DCD: variants seen among roughly 807,000 people sequenced by gnomAD.
The protein encoded by DCD is dermcidin, also known as diffusible survival/evasion peptide.
A neutral mutation model predicts 14.5 loss-of-function variants in DCD; 17 were observed. That is an observed-to-expected ratio of 1.18 (90% CI 0.81 to 1.76). DCD has a LOEUF of 1.76. Ranked by LOEUF, DCD falls within the 40% of genes most tolerant of loss-of-function variation. DCD has a pLI of 0.00. For missense variants in DCD, 139 were observed against 133.4 expected, an observed-to-expected ratio of 1.04 and a Z score of -0.21; for synonymous variants, 64 against 54.0, an observed-to-expected ratio of 1.19 and a Z score of -0.82.
rs11338265 is a variant in DCD at position 54,644,624 on chromosome 12, ATTTTTT to A, written c.*83_*88del. On this transcript the variant is annotated 3_prime_UTR_variant, in exon 5 of 5. Coordinates refer to ENST00000293371, the MANE Select transcript of DCD (RefSeq NM_053283.4). ...GCTTTCAGTTTAATAGCTGTTTTAA[ATTTTTT>A]TTTTTTTTTTTTTTTTTAGGTTTTA... is the stretch of plus-strand genomic sequence containing the variant. 40 of 651,610 alleles carry A rather than the reference ATTTTTT, an allele frequency of 6.1e-5. No individual in the cohort carries two copies. Among genetic ancestry groups the A allele is most frequent in the East Asian group, 5.4e-4 (18 of 33,264 alleles). The allele number at this position is 651,610 out of a possible 1,614,324, so 40.4% of individuals were successfully genotyped here.
chr12:54,644,772 A>G lies in DCD; in HGVS notation c.290-16T>C, dbSNP rs746369300. The G allele has an allele frequency of 4.4e-6, 7 of 1,600,850 alleles. No homozygotes were observed. In the South Asian group the frequency reaches 5.6e-5, roughly 13 times the overall value. ...TGGACGGCTCCTAGGACAGCCACAG[A>G]AAAAAATGGGGTAAAGGGGTAGGAA... On this transcript the variant is annotated splice_polypyrimidine_tract_variant and intron_variant, in intron 4 of 4. Transcript: ENST00000293371.
At chr12:54,644,976 A>T (rs1379841162) in intron 4 of DCD, 197 bp downstream of exon 4, 2 of 1,232,252 alleles carry the variant, frequency 1.6e-6, no homozygotes, top group East Asian at 2.9e-5. Context: ...CAAGAGCAAT[A>T]AAAAAAAAAG....
intron 3 of DCD, 139 bp from the exon 4 acceptor site, chr12:54,645,401 G>A: frequency 1.1e-6 from 1 of 949,800 alleles, no homozygotes; most frequent in Non-Finnish European, 1.6e-6. Flanking sequence ...TCTCTGTCAT[G>A]GGAAGGTTGG....
chr12:54,645,347 A>G (rs1255909152), intron 3 of DCD, 85 bp from the exon 4 acceptor site: 2 of 1,334,562 alleles, frequency 1.5e-6, no homozygotes, highest in African/African-American at 1.5e-5. Context: ...CCTAGGCACC[A>G]TGGGCACCCC....
chr12:54,647,356 C>G (rs1238420924), intron 1 of DCD, among the ~76,000 whole-genome samples, 197 bp from the exon 2 acceptor site: 1 of 152,198 alleles, frequency 6.6e-6, no homozygotes, highest in Non-Finnish European at 1.5e-5. Flanking sequence ...CTCTGTTATC[C>G]TCCCTAGACC....
Position 54,644,662 on chromosome 12 carries a change from A to G in DCD, c.*51T>C. The G allele has an allele frequency of 8.4e-7, 1 of 1,189,494 alleles. No homozygotes were observed. The highest frequency in any genetic ancestry group is 1.2e-6 in the Non-Finnish European group (1 of 824,248). 73.7% of individuals were successfully genotyped at this position (1,189,494 alleles called of 1,614,324 possible). ...TTTTTTTTTTTAGGTTTTAGGCTGA[A>G]GACGTAAAGCCTGCTGCTCCTGGGT... On this transcript the variant is annotated 3_prime_UTR_variant, in exon 5 of 5. Coordinates refer to ENST00000293371, the MANE Select transcript of DCD (RefSeq NM_053283.4).
chr12:54,647,804 T>C (rs1051237231), intron 1 of DCD, among the ~76,000 whole-genome samples: 1 of 152,116 alleles, frequency 6.6e-6, no homozygotes, highest in Non-Finnish European at 1.5e-5. Flanking sequence ...AAAATGATTC[T>C]GGGGCTTCAG....
chr12:54,648,102 T>G, intron 1 of DCD, 144 bp downstream of exon 1: 1 of 853,474 alleles, frequency 1.2e-6, no homozygotes, highest in Non-Finnish European at 1.8e-6. Context: ...AGTCCCTGTG[T>G]GGAGAACCTA....
intron 1 of DCD, among the ~76,000 whole-genome samples, 196 bp from the exon 2 acceptor site, chr12:54,647,355 C>T (rs1958269437): frequency 2.0e-5 from 3 of 152,182 alleles, no homozygotes; most frequent in Admixed American, 2.0e-4. Context: ...TCTCTGTTAT[C>T]CTCCCTAGAC....
intron 3 of DCD, 99 bp downstream of exon 3, chr12:54,645,507 G>T: frequency 9.1e-7 from 1 of 1,096,634 alleles, no homozygotes; most frequent in Non-Finnish European, 1.4e-6. Flanking sequence ...GGGTGTAGCT[G>T]TGTCCCTGTG....
chr12:54,645,701 T>C lies in DCD; in HGVS notation c.104A>G (p.His35Arg), dbSNP rs901027617. Residue 35 changes from histidine (H) to arginine (R), a missense_variant, in exon 3 of 5, where the codon CAT (histidine) becomes CGT (arginine). By Grantham distance (29) the His-to-Arg change is conservative (BLOSUM62 0). Coordinates refer to ENST00000293371, the MANE Select transcript of DCD (RefSeq NM_053283.4). ...TTCCTTTTGAGCTGCTGATGCTTCA[T>C]GGCAAGCTGCAAGGGTAAGGGAGTG... is the stretch of plus-strand genomic sequence containing the variant. ...ASAPGSGNPC[H>R]EASAAQKENA... 3 of 1,613,982 alleles carry C rather than the reference T, an allele frequency of 1.9e-6. No individual in the cohort carries two copies. The highest frequency in any genetic ancestry group is 1.7e-6 in the Non-Finnish European group (2 of 1,179,854).
rs1698244370 is a variant in DCD at position 54,648,323 on chromosome 12, G to T, written c.-20C>A. 3 of 1,613,596 alleles carry T rather than the reference G, an allele frequency of 1.9e-6. No individual in the cohort carries two copies. The African/African-American group carries it at 4.0e-5, about 22-fold the overall frequency. Reference sequence around the variant, plus strand: ...CCTCATGCTTCTGTGTGCTGGAGTGGGTATGCCACCAAATCCTTGGAGATC... The same window carrying T: ...CCTCATGCTTCTGTGTGCTGGAGTGTGTATGCCACCAAATCCTTGGAGATC... On this transcript the variant is annotated 5_prime_UTR_variant, in exon 1 of 5. Coordinates refer to ENST00000293371, the MANE Select transcript of DCD (RefSeq NM_053283.4).
Position 54,647,175 on chromosome 12 carries a change from C to G in DCD, c.59-16G>C, listed in dbSNP as rs1958268224. The G allele has an allele frequency of 6.4e-7, 1 of 1,559,336 alleles. No homozygotes were observed. The highest frequency in any genetic ancestry group is 8.7e-7 in the Non-Finnish European group (1 of 1,150,868). Reference sequence around the variant, plus strand: ...TCTGGATCATCTGCAAAGGAGGGAACAGTGACCATGTCAAGTAGGGCACAG... The same window carrying G: ...TCTGGATCATCTGCAAAGGAGGGAAGAGTGACCATGTCAAGTAGGGCACAG... On this transcript the variant is annotated splice_polypyrimidine_tract_variant and intron_variant, in intron 1 of 4. Coordinates refer to ENST00000293371, the MANE Select transcript of DCD (RefSeq NM_053283.4).
In DCD at chr12:54,648,333, C is replaced by T. The variant is rs931376575; in HGVS notation, c.-30G>A. 3.7e-6 allele frequency: 6 copies of T among 1,613,504 alleles called. No homozygotes were observed. The highest frequency in any genetic ancestry group is 5.1e-6 in the Non-Finnish European group (6 of 1,179,744). On this transcript the variant is annotated 5_prime_UTR_variant, in exon 1 of 5. Coordinates refer to ENST00000293371, the MANE Select transcript of DCD (RefSeq NM_053283.4). ...CTGTGTGCTGGAGTGGGTATGCCAC[C>T]AAATCCTTGGAGATCTTGGGATCTA... is the stretch of plus-strand genomic sequence containing the variant.
intron 2 of DCD, chr12:54,646,237 T>C (rs1404303290): frequency 4.1e-5 from 18 of 436,148 alleles, no homozygotes; most frequent in Non-Finnish European, 5.5e-5. Flanking sequence ...GTGTTCCCTC[T>C]GGGCTTTATG....
chr12:54,645,324 A>G (rs894509961), intron 3 of DCD, 62 bp from the exon 4 acceptor site: 1 of 1,507,410 alleles, frequency 6.6e-7, no homozygotes, highest in African/African-American at 1.4e-5. Flanking sequence ...TTTGTAGGAG[A>G]GCTCCCCCGC....
At position 54,644,695 on chromosome 12, in the gene DCD, C is replaced by A; in HGVS notation, c.*18G>T. On this transcript the variant is annotated 3_prime_UTR_variant, in exon 5 of 5. Transcript: ENST00000293371. ...AGCCTGCTGCTCCTGGGTATCATTT[C>A]TCAGCTTCTCCTTACAGCTATAGTA... 3.3e-6 allele frequency: 5 copies of A among 1,503,344 alleles called. No homozygotes were observed. The highest frequency in any genetic ancestry group is 1.2e-5 in the South Asian group (1 of 86,242). The allele number at this position is 1,503,344 out of a possible 1,614,324, so 93.1% of individuals were successfully genotyped here. A position where few individuals can be genotyped will look rare whatever the true frequency, so the allele number is the denominator to read the frequency against.
chr12:54,645,594 A>T lies in DCD; in HGVS notation c.199+12T>A, dbSNP rs1958252955. On this transcript the variant is annotated intron_variant, in intron 3 of 4. Transcript: ENST00000293371. The stretch of plus-strand genomic sequence containing the variant: ...TCAGAATTCTATACCAGGCATTGGG[A>T]AAGAGGCTTACCCAGAAGGCTGGAT... 9 of 1,610,968 alleles carry T rather than the reference A, an allele frequency of 5.6e-6. No individual in the cohort carries two copies. The highest frequency in any genetic ancestry group is 7.6e-6 in the Non-Finnish European group (9 of 1,177,250).
chr12:54,648,188 G>T, intron 1 of DCD, 58 bp downstream of exon 1: 1 of 1,584,710 alleles, frequency 6.3e-7, no homozygotes. Flanking sequence ...GGAAATGAAG[G>T]CAGGGCCCAG....
Sources: allele counts gnomAD v4.1 joint callset (sites outside exome capture counted in the v4.1 genomes callset), GRCh38; gene constraint gnomAD v4.1.1; transcripts MANE v1.5; gene names NCBI Gene and HGNC (gene_info 2026-07-23, HGNC 2026-07-21).